The following FLACC1 variants were observed in gnomAD, a reference collection of about 807,000 sequenced individuals.
The protein encoded by FLACC1 is flagellum-associated coiled-coil domain-containing protein 1.
FLACC1 carries 66 observed loss-of-function variants against 62.8 expected under a neutral mutation model. That is an observed-to-expected ratio of 1.05 (90% confidence interval 0.86 to 1.29). FLACC1 has a LOEUF of 1.29. FLACC1 is among the 50% of genes most tolerant of loss of function. The pLI is 0.00. For missense variants in FLACC1, 452 were observed against 489.1 expected, an observed-to-expected ratio of 0.92 and a Z score of 0.71; for synonymous variants, 156 against 161.0, an observed-to-expected ratio of 0.97 and a Z score of 0.24.
At chr2:201,301,151 C>T (rs1049949017) in intron 11 of FLACC1, among the ~76,000 whole-genome samples, 4 of 152,060 alleles carry the variant, frequency 2.6e-5, no homozygotes, top group African/African-American at 7.2e-5. Flanking sequence ...GGAGGATGTT[C>T]GAACCCATCA....
At chr2:201,299,941 G>T (rs1949942602) in intron 11 of FLACC1, among the ~76,000 whole-genome samples, 1 of 152,270 alleles carries the variant, frequency 6.6e-6, no homozygotes, top group Non-Finnish European at 1.5e-5. Context: ...AGGTTTAGGG[G>T]GAGTTTCCAA....
intron 9 of FLACC1, among the ~76,000 whole-genome samples, chr2:201,315,442 G>A (rs988650124): frequency 6.6e-6 from 1 of 152,118 alleles, no homozygotes; most frequent in Non-Finnish European, 1.5e-5. Flanking sequence ...AGCAACAGCA[G>A]TTAAAAAAGA....
intron 11 of FLACC1, 70 bp downstream of exon 11, chr2:201,307,449 C>T: frequency 3.6e-6 from 4 of 1,120,222 alleles, no homozygotes; most frequent in African/African-American, 1.6e-5. Flanking sequence ...ATTATGGAGG[C>T]ACACCTGGGG....
intron 12 of FLACC1, among the ~76,000 whole-genome samples, chr2:201,296,536 T>G (rs572647899): frequency 7.2e-6 from 1 of 138,266 alleles, no homozygotes; most frequent in Non-Finnish European, 1.6e-5. Context: ...GGGGGAGGGA[T>G]AGCATTAGGA....
chr2:201,299,022 G>C (rs908121781), intron 12 of FLACC1, among the ~76,000 whole-genome samples: 4 of 152,160 alleles, frequency 2.6e-5, no homozygotes, highest in African/African-American at 9.7e-5. Context: ...TGATCTATTT[G>C]TTCAAATCAG....
At chr2:201,359,131 G>A (rs1037353026), upstream of FLACC1, among the ~76,000 whole-genome samples, 3 of 152,194 alleles carry the variant, frequency 2.0e-5, no homozygotes, top group African/African-American at 4.8e-5. Context: ...ATAGAACTTG[G>A]TGATTGACTG....
intron 11 of FLACC1, among the ~76,000 whole-genome samples, chr2:201,305,755 T>G (rs1165768927): frequency 6.6e-6 from 1 of 152,208 alleles, no homozygotes; most frequent in Non-Finnish European, 1.5e-5. Context: ...TATGCAGCCA[T>G]AATAATGGAT....
At chr2:201,313,452 C>T (rs1453425379) in intron 9 of FLACC1, among the ~76,000 whole-genome samples, 1 of 152,124 alleles carries the variant, frequency 6.6e-6, no homozygotes, top group Non-Finnish European at 1.5e-5. Flanking sequence ...ACCCCTACTT[C>T]CCTGACAACC....
intron 12 of FLACC1, among the ~76,000 whole-genome samples, chr2:201,298,482 G>A (rs1233589308): frequency 6.6e-6 from 1 of 152,012 alleles, no homozygotes; most frequent in Non-Finnish European, 1.5e-5. Flanking sequence ...AGAGAAACAG[G>A]CCCAGACATG....
Position 201,307,622 on chromosome 2 carries a change from TC to T in FLACC1, c.776-1del. On this transcript the variant is annotated splice_acceptor_variant, in intron 10 of 14. Transcript: ENST00000392257. LOFTEE classifies it high-confidence loss of function. Reference sequence around the variant, plus strand: ...TTCGAATTTTTTGGTCATCTTTTTTTCTGTGGAAGTGACAGGAAAGCACATA... The same window carrying T: ...TTCGAATTTTTTGGTCATCTTTTTTTTGTGGAAGTGACAGGAAAGCACATA... The T allele has an allele frequency of 6.2e-7, 1 of 1,603,484 alleles. No individual in the cohort carries two copies. Among genetic ancestry groups the T allele is most frequent in the Non-Finnish European group, 8.5e-7 (1 of 1,170,274 alleles).
chr2:201,311,122 T>C (rs1576432509), intron 9 of FLACC1, among the ~76,000 whole-genome samples: 3 of 150,464 alleles, frequency 2.0e-5, no homozygotes, highest in Admixed American at 2.0e-4. Context: ...CAATATTGAG[T>C]TTTGAAATTG....
intron 12 of FLACC1, among the ~76,000 whole-genome samples, chr2:201,294,515 C>T (rs1157865329): frequency 2.6e-5 from 4 of 152,092 alleles, no homozygotes; most frequent in Non-Finnish European, 4.4e-5. Flanking sequence ...ATTGGTGGGA[C>T]GAATCTCAAA....
chr2:201,342,520 G>A, intron 6 of FLACC1, 89 bp from the exon 7 acceptor site: 1 of 1,327,310 alleles, frequency 7.5e-7, no homozygotes, highest in Non-Finnish European at 1.1e-6. Context: ...CAATTTATGG[G>A]GCACAGCCGC....
intron 6 of FLACC1, 84 bp from the exon 7 acceptor site, chr2:201,342,515 T>TATGGGGCACAGCCGCCTTCCAATTC: frequency 1.4e-6 from 2 of 1,390,712 alleles, no homozygotes; most frequent in Non-Finnish European, 1.0e-6. Flanking sequence ...CCTTCCAATT[T>TATGGGGCACAGCCGCCTTCCAATTC]ATGGGGCACA....
Position 201,289,432 on chromosome 2 carries a change from A to G in FLACC1, c.1142+25T>C, listed in dbSNP as rs1029702929. ...TCCCACTCCTAAAGAGAACTCAGCT[A>G]TGTCTTTTTCAGCAGCAGCCGCACT... On this transcript the variant is annotated intron_variant, in intron 14 of 14. Coordinates refer to ENST00000392257, the MANE Select transcript of FLACC1 (RefSeq NM_001127391.3). 3 of 1,603,572 alleles carry G rather than the reference A, an allele frequency of 1.9e-6. No individual in the cohort carries two copies. In the African/African-American group the frequency reaches 4.0e-5, roughly 21 times the overall value.
chr2:201,299,195 T>A, intron 12 of FLACC1, 43 bp downstream of exon 12: 1 of 1,550,172 alleles, frequency 6.5e-7, no homozygotes. Flanking sequence ...TATTGGTGTA[T>A]TTGTAATATA....
intron 11 of FLACC1, among the ~76,000 whole-genome samples, chr2:201,301,772 G>T (rs1295281393): frequency 6.6e-6 from 1 of 152,170 alleles, no homozygotes; most frequent in Non-Finnish European, 1.5e-5. Context: ...GAGAGTGGGG[G>T]CCAATATTCA....
At chr2:201,360,107 A>T (rs1024365539), upstream of FLACC1, among the ~76,000 whole-genome samples, 2 of 152,304 alleles carry the variant, frequency 1.3e-5, no homozygotes, top group Non-Finnish European at 2.9e-5. Flanking sequence ...CTTTTTGGAC[A>T]TGAGTAAAGC....
chr2:201,359,263 G>A (rs2125632443), upstream of FLACC1, among the ~76,000 whole-genome samples: 1 of 152,326 alleles, frequency 6.6e-6, no homozygotes, highest in Middle Eastern at 3.4e-3. Flanking sequence ...AGGTTCTAGG[G>A]AGCAGATTAT....
Sources: allele counts gnomAD v4.1 joint callset (sites outside exome capture counted in the v4.1 genomes callset), GRCh38; gene constraint gnomAD v4.1.1; transcripts MANE v1.5; gene names NCBI Gene and HGNC (gene_info 2026-07-23, HGNC 2026-07-21).